NBAS: variants seen among roughly 807,000 people sequenced by gnomAD.
NBAS encodes the protein NBAS subunit of NRZ tethering complex.
NBAS carries 219 observed loss-of-function variants against 302.5 expected under a neutral mutation model. That is an observed-to-expected ratio of 0.72 (90% CI 0.65 to 0.81). NBAS has a LOEUF of 0.81. Ranked by LOEUF, NBAS falls within the 30% of genes least tolerant of loss-of-function variation. The pLI is 0.00. For synonymous variants in NBAS, 1,118 were observed against 1,021.6 expected (o/e 1.09, Z -1.80); for missense variants, 2,932 against 2,841.6 (o/e 1.03, Z -0.72).
intron 25 of NBAS, among the ~76,000 whole-genome samples, chr2:15,413,350 A>G (rs955128689): frequency 6.6e-6 from 1 of 152,236 alleles, no homozygotes. Flanking sequence ...AATAAGATCT[A>G]GAAGATATAT....
chr2:15,360,203 G>A (rs919657509), intron 32 of NBAS, among the ~76,000 whole-genome samples: 3 of 152,026 alleles, frequency 2.0e-5, no homozygotes, highest in African/African-American at 7.3e-5. Flanking sequence ...GAGTGAATGT[G>A]AAGGCCGAGG....
chr2:14,807,815 C>G, the NBAS span, among the ~76,000 whole-genome samples: 1 of 152,258 alleles, frequency 6.6e-6, no homozygotes, highest in African/African-American at 2.4e-5. Flanking sequence ...AAGATAGTAA[C>G]AAACGCTCTG....
At chr2:15,240,486 G>A (rs71447221) in intron 44 of NBAS, among the ~76,000 whole-genome samples, 5,489 of 151,432 alleles carry the variant, frequency 0.036, 140 homozygotes, top group Middle Eastern at 0.065. Context: ...GCGTGGTGGC[G>A]GGCGCCTGTA....
intron 16 of NBAS, among the ~76,000 whole-genome samples, chr2:15,472,581 C>T (rs998769448): frequency 6.6e-6 from 1 of 152,040 alleles, no homozygotes; most frequent in African/African-American, 2.4e-5. Context: ...GCTCACTGGC[C>T]CCCCCCAGAA....
intron 35 of NBAS, among the ~76,000 whole-genome samples, chr2:15,345,724 C>T (rs1191558223): frequency 6.6e-6 from 1 of 152,126 alleles, no homozygotes; most frequent in Non-Finnish European, 1.5e-5. Context: ...AAGAATCAAG[C>T]TAGAGGCATC....
At chr2:14,987,423 T>C in the NBAS span, among the ~76,000 whole-genome samples, 3 of 152,044 alleles carry the variant, frequency 2.0e-5, no homozygotes, top group South Asian at 6.2e-4. Context: ...GCATTGCATT[T>C]TACCGACATA....
At chr2:15,085,397 C>A in the NBAS span, among the ~76,000 whole-genome samples, 1 of 152,126 alleles carries the variant, frequency 6.6e-6, no homozygotes, top group Non-Finnish European at 1.5e-5. Flanking sequence ...GACCGCCGAG[C>A]CTGACACTCC....
the NBAS span, among the ~76,000 whole-genome samples, chr2:14,827,174 C>G: frequency 6.6e-6 from 1 of 152,132 alleles, no homozygotes; most frequent in African/African-American, 2.4e-5. Context: ...AAAATTTGAA[C>G]CACCACAGAG....
At chr2:14,782,281 TAAA>T in the NBAS span, among the ~76,000 whole-genome samples, 12 of 151,822 alleles carry the variant, frequency 7.9e-5, 1 homozygote, top group East Asian at 2.1e-3. Flanking sequence ...TTCCCCCCAT[TAAA>T]AAAATGGGCA....
chr2:15,213,988 C>A (rs1666539894), intron 48 of NBAS, among the ~76,000 whole-genome samples: 1 of 152,164 alleles, frequency 6.6e-6, no homozygotes, highest in Admixed American at 6.5e-5. Context: ...TCATTGTCAG[C>A]AAACTATGGC....
chr2:15,553,141 C>T (rs899766204), intron 5 of NBAS, among the ~76,000 whole-genome samples: 7 of 152,126 alleles, frequency 4.6e-5, no homozygotes, highest in Admixed American at 3.3e-4. Flanking sequence ...AGTCACACAA[C>T]AGTGATTTCC....
intron 40 of NBAS, among the ~76,000 whole-genome samples, chr2:15,293,833 G>A (rs1214317303): frequency 6.6e-6 from 1 of 152,178 alleles, no homozygotes. Flanking sequence ...CAATCTGGGA[G>A]TGCTGATAAA....
chr2:14,955,296 T>G, the NBAS span, among the ~76,000 whole-genome samples: 2 of 152,244 alleles, frequency 1.3e-5, no homozygotes, highest in African/African-American at 2.4e-5. Context: ...TCCAACCCTG[T>G]GGCTTTGCAG....
At chr2:15,214,825 T>C (rs1044274551) in intron 48 of NBAS, among the ~76,000 whole-genome samples, 5 of 152,240 alleles carry the variant, frequency 3.3e-5, no homozygotes, top group Non-Finnish European at 5.9e-5. Context: ...AATATGTCCC[T>C]GAACATTTCA....
At chr2:15,230,046 T>A (rs902743529) in intron 47 of NBAS, among the ~76,000 whole-genome samples, 2 of 152,030 alleles carry the variant, frequency 1.3e-5, no homozygotes, top group Non-Finnish European at 2.9e-5. Flanking sequence ...GTAGTGGGTG[T>A]CCAGGTTATG....
At position 15,350,449 on chromosome 2, in the gene NBAS, T is replaced by C. The variant is rs78356006; in HGVS notation, c.4179+1543A>G. Among the ~76,000 whole-genome samples the C allele has an allele frequency of 8.5e-3, 1,292 of 152,294 alleles. 19 individuals are homozygous for C. Among genetic ancestry groups the C allele is most frequent in the East Asian group, 0.059 (305 of 5,174 alleles). ...CACGTCTTAATTTGTCTAGCTGGGA[T>C]GTCAGAAACCGGGCCACTGTCTTTG... On this transcript the variant is annotated intron_variant, in intron 35 of 51. Coordinates refer to ENST00000281513, the MANE Select transcript of NBAS (RefSeq NM_015909.4).
chr2:15,279,474 C>T (rs1330291842), intron 42 of NBAS, among the ~76,000 whole-genome samples: 1 of 152,146 alleles, frequency 6.6e-6, no homozygotes, highest in Non-Finnish European at 1.5e-5. Context: ...GAAAAGAGTT[C>T]TCCTGTCATA....
chr2:15,506,090 A>ACTT (rs2148639716), intron 10 of NBAS, among the ~76,000 whole-genome samples: 1 of 152,148 alleles, frequency 6.6e-6, no homozygotes, highest in Non-Finnish European at 1.5e-5. Context: ...AGGAAATGAG[A>ACTT]TAAAAGGGAG....
chr2:14,859,400 TA>T, the NBAS span, among the ~76,000 whole-genome samples: 1 of 151,022 alleles, frequency 6.6e-6, no homozygotes, highest in Admixed American at 6.6e-5. Flanking sequence ...CCTGAGCAAA[TA>T]AAAAAAATAT....
Sources: gnomAD v4.1 joint callset for allele counts (sites outside exome capture counted in the v4.1 genomes callset) on GRCh38, gnomAD v4.1.1 for gene constraint, MANE v1.5 for transcripts, NCBI Gene and HGNC (gene_info 2026-07-23, HGNC 2026-07-21) for gene names.